The following NINJ1 variants were observed in gnomAD, a reference collection of about 807,000 sequenced individuals.
The protein encoded by NINJ1 is ninjurin-1.
A neutral mutation model predicts 12.7 loss-of-function variants in NINJ1; 6 were observed. The ratio of observed to expected loss-of-function variants is 0.47; its 90% confidence interval spans 0.26 to 0.93. The LOEUF is 0.93. Among genes scored for constraint, NINJ1 ranks in the 40% least tolerant of loss-of-function variants. The pLI, the probability that NINJ1 is intolerant of heterozygous loss-of-function variation, is 0.15. For missense variants in NINJ1, 170 were observed against 213.0 expected (o/e 0.80, Z 1.26); for synonymous variants, 100 against 96.0 (o/e 1.04, Z -0.25).
At chr9:93,124,816 G>A in intron 3 of NINJ1, 83 bp downstream of exon 3, 1 of 1,448,226 alleles carries the variant, frequency 6.9e-7, no homozygotes, top group East Asian at 2.4e-5. Flanking sequence ...AGGCTGGCCG[G>A]CCAGGGACTC....
At chr9:93,130,724 C>G (rs1827881577) in intron 1 of NINJ1, among the ~76,000 whole-genome samples, 1 of 152,212 alleles carries the variant, frequency 6.6e-6, no homozygotes, top group Non-Finnish European at 1.5e-5. Flanking sequence ...ATGCCTGGCT[C>G]TCACTGTTTT....
chr9:93,130,300 C>T (rs1163695121), intron 1 of NINJ1, among the ~76,000 whole-genome samples: 6 of 152,118 alleles, frequency 3.9e-5, no homozygotes, highest in Admixed American at 6.5e-5. Context: ...GCCACACGGT[C>T]GGTCCTAGGG....
At chr9:93,122,282 G>A (rs1363494020) in intron 3 of NINJ1, 52 bp from the exon 4 acceptor site, 1 of 153,252 alleles carries the variant, frequency 6.5e-6, no homozygotes, top group Non-Finnish European at 1.5e-5. Flanking sequence ...GGAGAGGAGA[G>A]GCTCTGAGCC....
chr9:93,126,075 T>C, intron 2 of NINJ1: 1 of 317,420 alleles, frequency 3.2e-6, no homozygotes, highest in Non-Finnish European at 5.9e-6. Context: ...TGAGCGCCTG[T>C]AATCCCAGTT....
chr9:93,131,753 G>T (rs180856947), intron 1 of NINJ1, among the ~76,000 whole-genome samples: 40 of 152,334 alleles, frequency 2.6e-4, no homozygotes, highest in African/African-American at 8.7e-4. Context: ...GGCCACAGGG[G>T]CGCAGGGCAC....
At position 93,124,880 on chromosome 9, in the gene NINJ1, G is replaced by T. The variant is rs760640137; in HGVS notation, c.*9+19C>A. The stretch of plus-strand genomic sequence containing the variant: ...GCAACCCCAGGACTGCAGGCCTCGC[G>T]CCCCATCTCCCAGCTCACCTGGGTG... On this transcript the variant is annotated intron_variant, in intron 3 of 3. Transcript: ENST00000375446. 3 of 1,588,802 alleles carry T rather than the reference G, an allele frequency of 1.9e-6. No homozygotes were observed. In the African/African-American group the frequency reaches 4.0e-5, roughly 21 times the overall value.
In NINJ1 at chr9:93,132,622, G is replaced by T. The variant is rs574975191; in HGVS notation, c.75+1521C>A. On this transcript the variant is annotated intron_variant, in intron 1 of 3. Transcript: ENST00000375446. Reference sequence around the variant, plus strand: ...CAGCCCCCAGGGAACCCCCTGCTTTGCCCTGGCCTCTCCTGCCCTGTCTGG... The same window carrying T: ...CAGCCCCCAGGGAACCCCCTGCTTTTCCCTGGCCTCTCCTGCCCTGTCTGG... Among the ~76,000 whole-genome samples the T allele has an allele frequency of 2.5e-3, 381 of 152,316 alleles. 1 individual carries two copies. Among genetic ancestry groups the T allele is most frequent in the Non-Finnish European group, 3.9e-3 (266 of 68,028 alleles).
intron 2 of NINJ1, 127 bp from the exon 3 acceptor site, chr9:93,125,189 A>G: frequency 1.1e-6 from 1 of 882,686 alleles, no homozygotes. Flanking sequence ...TCTCAGTCGC[A>G]TTTAGGATGA....
intron 1 of NINJ1, among the ~76,000 whole-genome samples, chr9:93,127,104 C>G (rs1827825717): frequency 6.6e-6 from 1 of 152,150 alleles, no homozygotes; most frequent in South Asian, 2.1e-4. Flanking sequence ...TGGGCCGGAC[C>G]TAAGGGCAGA....
At position 93,134,223 on chromosome 9, in the gene NINJ1, G is replaced by C; in HGVS notation, c.-6C>G. 6.8e-7 allele frequency: 1 copy of C among 1,473,512 alleles called. No homozygotes were observed. The highest frequency in any genetic ancestry group is 1.3e-5 in the South Asian group (1 of 77,558). 91.3% of individuals were successfully genotyped at this position (1,473,512 alleles called of 1,614,324 possible). On this transcript the variant is annotated 5_prime_UTR_variant, in exon 1 of 4. Transcript: ENST00000375446. ...TCCTCGGTTCCCGAGTCCATGGTGC[G>C]GCCGCCCAGGCCGCCAGGATCCGGG...
chr9:93,134,206 TC>T lies in NINJ1; in HGVS notation c.11del (p.Gly4GlufsTer35). On this transcript the variant is annotated frameshift_variant, in exon 1 of 4. Transcript: ENST00000375446. LOFTEE classifies it high-confidence loss of function. MDS[G>X]TEEYELNGGL... The stretch of plus-strand genomic sequence containing the variant: ...CGCCGTTGAGCTCGTACTCCTCGGT[TC>T]CCGAGTCCATGGTGCGGCCGCCCAG... 2 of 1,514,496 alleles carry T rather than the reference TC, an allele frequency of 1.3e-6. No individual in the cohort carries two copies. The highest frequency in any genetic ancestry group is 8.9e-7 in the Non-Finnish European group (1 of 1,126,514). 93.8% of individuals were successfully genotyped at this position (1,514,496 alleles called of 1,614,324 possible). A position where few individuals can be genotyped will look rare whatever the true frequency, so the allele number is the denominator to read the frequency against.
intron 1 of NINJ1, among the ~76,000 whole-genome samples, chr9:93,133,829 C>T (rs1827934126): frequency 6.6e-6 from 1 of 152,156 alleles, no homozygotes; most frequent in East Asian, 1.9e-4. Context: ...CGGGCGCCGG[C>T]AGTCCTTAGC....
chr9:93,124,564 C>T (rs962279145), intron 3 of NINJ1, among the ~76,000 whole-genome samples: 8 of 140,364 alleles, frequency 5.7e-5, no homozygotes, highest in South Asian at 2.3e-4. Context: ...CATGAGCCAC[C>T]GCGCCTGACC....
intron 1 of NINJ1, among the ~76,000 whole-genome samples, chr9:93,131,922 T>C (rs138820697): frequency 1.3e-5 from 2 of 152,264 alleles, no homozygotes; most frequent in Non-Finnish European, 2.9e-5. Flanking sequence ...CTCTCCATTT[T>C]ACAGAAAAGG....
At position 93,121,932 on chromosome 9, in the gene NINJ1, TTC is replaced by T. The variant is rs965623229; in HGVS notation, c.*306_*307del. ...TGTGTCCTTGAGTGGGTCGAGACCCTTCTCTGGGCACAGGTCTCTGCAGCTGT... is the reference window on the plus strand; with the variant it reads ...TGTGTCCTTGAGTGGGTCGAGACCCTTCTGGGCACAGGTCTCTGCAGCTGT... On this transcript the variant is annotated 3_prime_UTR_variant, in exon 4 of 4. Coordinates refer to ENST00000375446, the MANE Select transcript of NINJ1 (RefSeq NM_004148.4). 10 of 152,334 alleles carry T rather than the reference TTC, an allele frequency of 6.6e-5. No individual in the cohort carries two copies. Among genetic ancestry groups the T allele is most frequent in the Non-Finnish European group, 5.9e-5 (4 of 68,134 alleles). 9.4% of individuals were successfully genotyped at this position (152,334 alleles called of 1,614,324 possible).
intron 1 of NINJ1, among the ~76,000 whole-genome samples, chr9:93,132,222 C>T (rs1449785040): frequency 6.6e-6 from 1 of 152,208 alleles, no homozygotes; most frequent in Non-Finnish European, 1.5e-5. Flanking sequence ...GTTGGGTGGT[C>T]CTGGGCCCCC....
In NINJ1 at chr9:93,126,624, G is replaced by A; in HGVS notation, c.90C>T (p.Gly30=). 6.2e-7 allele frequency: 1 copy of A among 1,600,882 alleles called. No homozygotes were observed. ...TCACGTTGATGGGCCCGTGCCTCCA[G>A]CCCCAGCGGGCCGGCTGCAGGGAGG... ...GSPDASPARW[G]WRHGPINVNH... The change falls in exon 2 of 4, where the codon GGC becomes GGT. Residue 30 remains glycine (G), a synonymous_variant. Transcript: ENST00000375446.
chr9:93,123,290 T>C (rs1254989627), intron 3 of NINJ1, among the ~76,000 whole-genome samples: 1 of 151,956 alleles, frequency 6.6e-6, no homozygotes, highest in Non-Finnish European at 1.5e-5. Flanking sequence ...TTGGGGAATT[T>C]TTTTTTTTTC....
chr9:93,126,997 C>G (rs976941985), intron 1 of NINJ1, among the ~76,000 whole-genome samples: 2 of 152,120 alleles, frequency 1.3e-5, no homozygotes, highest in African/African-American at 2.4e-5. Context: ...CTCCTCTCCC[C>G]CTCCCCTCAG....
Sources: gnomAD v4.1 joint callset for allele counts (sites outside exome capture counted in the v4.1 genomes callset) on GRCh38, gnomAD v4.1.1 for gene constraint, MANE v1.5 for transcripts, NCBI Gene and HGNC (gene_info 2026-07-23, HGNC 2026-07-21) for gene names.